Variants in ACVRL1 observed in about 807,000 individuals in gnomAD.
ACVRL1 encodes activin receptor type-1-like.
In ACVRL1, 20 loss-of-function variants were observed where a neutral mutation model predicts 51.9. The observed-to-expected ratio is 0.39, with a 90% confidence interval of 0.27 to 0.56. ACVRL1 has a LOEUF of 0.56. ACVRL1 is among the 20% of genes least tolerant of loss of function. The pLI, the probability that ACVRL1 is intolerant of heterozygous loss-of-function variation, is 0.67. For synonymous variants in ACVRL1, 288 were observed against 280.9 expected, an observed-to-expected ratio of 1.03 and a Z score of -0.25; for missense variants, 451 against 670.3, an observed-to-expected ratio of 0.67 and a Z score of 3.61.
At chr12:51,915,545 G>A (rs1339200362) in intron 7 of ACVRL1, 45 bp downstream of exon 7, 3 of 1,575,240 alleles carry the variant, frequency 1.9e-6, no homozygotes, top group African/African-American at 2.7e-5. Context: ...GGTGGGCGGA[G>A]CTTGTGCGCT....
At position 51,916,133 on chromosome 12, in the gene ACVRL1, C is replaced by T. The variant is rs201773733; in HGVS notation, c.1146C>T (p.Asp382=). The T allele has an allele frequency of 2.2e-5, 36 of 1,613,990 alleles. No homozygotes were observed. In the African/African-American group the frequency reaches 3.2e-4, roughly 14 times the overall value. Residue 382 remains aspartate, a synonymous_variant, in exon 8 of 10, where the codon GAC becomes GAT. Coordinates refer to ENST00000388922, the MANE Select transcript of ACVRL1 (RefSeq NM_000020.3). ...TKRYMAPEVL[D]EQIRTDCFES... ...GGTACATGGCACCCGAGGTGCTGGACGAGCAGATCCGCACGGACTGCTTTG... is the reference window on the plus strand; with the variant it reads ...GGTACATGGCACCCGAGGTGCTGGATGAGCAGATCCGCACGGACTGCTTTG...
chr12:51,913,865 G>T, intron 4 of ACVRL1, 95 bp downstream of exon 4: 1 of 1,571,622 alleles, frequency 6.4e-7, no homozygotes, highest in Non-Finnish European at 8.7e-7. Context: ...CCGGTGGGGA[G>T]CTGGGCGAGT....
In ACVRL1 at chr12:51,913,411, C is replaced by T. The variant is rs971314625; in HGVS notation, c.313+61C>T. The T allele has an allele frequency of 5.7e-6, 9 of 1,589,288 alleles. No homozygotes were observed. The African/African-American group carries it at 6.7e-5, about 12-fold the overall frequency. ...TCTTGGCCCCTGCCCTCCCTTCCCT[C>T]CTTTCCTCTCATGCTCTGGCCAATA... is the stretch of plus-strand genomic sequence containing the variant. On this transcript the variant is annotated intron_variant, in intron 3 of 9. Transcript: ENST00000388922.
At chr12:51,919,363 C>CTGTCTGTG (rs150628134) in intron 9 of ACVRL1, 11 of 387,820 alleles carry the variant, frequency 2.8e-5, no homozygotes, top group South Asian at 7.6e-5. Flanking sequence ...ATCTGTGGCT[C>CTGTCTGTG]TGTGTGTGTG....
intron 1 of ACVRL1, among the ~76,000 whole-genome samples, chr12:51,911,512 G>A (rs1940688771): frequency 6.6e-6 from 1 of 152,190 alleles, no homozygotes; most frequent in East Asian, 1.9e-4. Flanking sequence ...AGCTTGCAGA[G>A]AGGTTTCTCT....
chr12:51,913,394 C>T (rs1444388050), intron 3 of ACVRL1, 44 bp downstream of exon 3: 2 of 1,602,378 alleles, frequency 1.2e-6, no homozygotes, highest in Non-Finnish European at 1.7e-6. Context: ...CTTCTTGGCC[C>T]CTGCCCTCCC....
intron 9 of ACVRL1, 48 bp from the exon 10 acceptor site, chr12:51,920,711 A>T (rs1205300692): frequency 6.2e-7 from 1 of 1,601,404 alleles, no homozygotes; most frequent in African/African-American, 1.3e-5. Flanking sequence ...TCTTCTCTGC[A>T]TCTCTCTCTC....
chr12:51,912,975 G>A lies in ACVRL1; in HGVS notation c.62-124G>A, dbSNP rs1940725068. On this transcript the variant is annotated intron_variant, in intron 2 of 9. Coordinates refer to ENST00000388922, the MANE Select transcript of ACVRL1 (RefSeq NM_000020.3). Reference sequence around the variant, plus strand: ...AGGATGACTGAGGATGAAAGTAAGAGACCAAAGCTTCAAGGTGTTTGTCTG... The same window carrying A: ...AGGATGACTGAGGATGAAAGTAAGAAACCAAAGCTTCAAGGTGTTTGTCTG... 7.2e-6 allele frequency: 10 copies of A among 1,386,170 alleles called. No individual in the cohort carries two copies. In the South Asian group the frequency reaches 1.3e-4, roughly 17 times the overall value. 85.9% of individuals were successfully genotyped at this position (1,386,170 alleles called of 1,614,324 possible).
In ACVRL1 at chr12:51,914,093, G is replaced by C. The variant is rs749838611; in HGVS notation, c.625+20G>C. On this transcript the variant is annotated intron_variant, in intron 5 of 9. Coordinates refer to ENST00000388922, the MANE Select transcript of ACVRL1 (RefSeq NM_000020.3). Reference sequence around the variant, plus strand: ...GTGTGGGTGAGCAGTGGGTGAGCCCGGTGGATGAGGACCAAGGGCTCTCAT... The same window carrying C: ...GTGTGGGTGAGCAGTGGGTGAGCCCCGTGGATGAGGACCAAGGGCTCTCAT... The C allele has an allele frequency of 2.5e-6, 4 of 1,608,160 alleles. No homozygotes were observed. The African/African-American group carries it at 5.3e-5, about 21-fold the overall frequency.
chr12:51,908,156 A>G (rs1181767972), intron 1 of ACVRL1, among the ~76,000 whole-genome samples: 2 of 152,100 alleles, frequency 1.3e-5, no homozygotes, highest in East Asian at 3.9e-4. Context: ...ATCTGACACT[A>G]TCACTCCAAC....
At chr12:51,913,799 G>T in intron 4 of ACVRL1, 29 bp downstream of exon 4, 1 of 1,607,602 alleles carries the variant, frequency 6.2e-7, no homozygotes, top group Non-Finnish European at 8.5e-7. Flanking sequence ...GGGACACAGG[G>T]TGTAGGAGGG....
At chr12:51,908,497 T>C (rs1448211973) in intron 1 of ACVRL1, among the ~76,000 whole-genome samples, 1 of 152,226 alleles carries the variant, frequency 6.6e-6, no homozygotes, top group Non-Finnish European at 1.5e-5. Context: ...GAGTACTAAC[T>C]ATGTAGACAC....
chr12:51,912,995 T>C (rs1226865342), intron 2 of ACVRL1, 104 bp from the exon 3 acceptor site: 6 of 1,476,878 alleles, frequency 4.1e-6, no homozygotes, highest in South Asian at 1.2e-5. Flanking sequence ...TCAAGGTGTT[T>C]GTCTGAGGGG....
At chr12:51,913,059 G>C in intron 2 of ACVRL1, 40 bp from the exon 3 acceptor site, 1 of 1,590,248 alleles carries the variant, frequency 6.3e-7, no homozygotes, top group Non-Finnish European at 8.5e-7. Flanking sequence ...GCCTGGGGGA[G>C]CTGGGACCAC....
At chr12:51,918,374 C>T (rs1940892075) in intron 8 of ACVRL1, among the ~76,000 whole-genome samples, 2 of 152,242 alleles carry the variant, frequency 1.3e-5, no homozygotes, top group East Asian at 3.8e-4. Flanking sequence ...TTCTTAAACT[C>T]TCTGGCCTTC....
chr12:51,908,377 ACTCT>A (rs1183057814), intron 1 of ACVRL1, among the ~76,000 whole-genome samples: 1 of 151,716 alleles, frequency 6.6e-6, no homozygotes, highest in Non-Finnish European at 1.5e-5. Context: ...AGTTGCTCTC[ACTCT>A]CTCTATGTAT....
At chr12:51,911,549 G>A (rs1455558005) in intron 1 of ACVRL1, among the ~76,000 whole-genome samples, 5 of 152,182 alleles carry the variant, frequency 3.3e-5, no homozygotes, top group South Asian at 2.1e-4. Context: ...TGCCCCGTCC[G>A]AGCTTTGCAT....
rs1226569087 is a variant in ACVRL1, at chr12:51,913,547, C to A, written c.314-12C>A. On this transcript the variant is annotated splice_polypyrimidine_tract_variant and intron_variant, in intron 3 of 9. Coordinates refer to ENST00000388922, the MANE Select transcript of ACVRL1 (RefSeq NM_000020.3). ...CTAGTGGAAGCTGAGCCTCAGTGTC[C>A]CCCTCCCTCAGCCACCCAACCTCCT... 3.1e-6 allele frequency: 5 copies of A among 1,594,360 alleles called. No homozygotes were observed. The highest frequency in any genetic ancestry group is 3.4e-6 in the Non-Finnish European group (4 of 1,178,686).
chr12:51,915,859 C>A, intron 7 of ACVRL1, 177 bp from the exon 8 acceptor site: 1 of 715,192 alleles, frequency 1.4e-6, no homozygotes, highest in Non-Finnish European at 2.3e-6. Context: ...ACTACACAAG[C>A]AAAGAGTACC....
Sources: gnomAD v4.1 joint callset for allele counts (sites outside exome capture counted in the v4.1 genomes callset) on GRCh38, gnomAD v4.1.1 for gene constraint, MANE v1.5 for transcripts, NCBI Gene and HGNC (gene_info 2026-07-23, HGNC 2026-07-21) for gene names.